DIAPH2: variants seen among roughly 807,000 people sequenced by gnomAD.
DIAPH2 encodes diaphanous related formin 2.
DIAPH2 carries 35 observed loss-of-function variants against 92.7 expected under a neutral mutation model. The ratio of observed to expected loss-of-function variants is 0.38; its 90% CI spans 0.29 to 0.50. The LOEUF is 0.50. Among genes scored for constraint, DIAPH2 ranks in the 20% least tolerant of loss-of-function variants. The pLI is 0.94. For synonymous variants in DIAPH2, 301 were observed against 280.4 expected, an observed-to-expected ratio of 1.07 and a Z score of -0.73; for missense variants, 701 against 819.5, an observed-to-expected ratio of 0.86 and a Z score of 1.77.
intron 15 of DIAPH2, chrX:96,953,862 T>TA (rs2065792501): frequency 8.9e-6 from 1 of 111,961 alleles, no homozygotes; most frequent in Non-Finnish European, 1.9e-5. Flanking sequence ...AGGATGCTTA[T>TA]AATATGCCCA....
chrX:97,543,421 T>G (rs1456014388), intron 26 of DIAPH2, among the ~76,000 whole-genome samples: 4 of 112,180 alleles, frequency 3.6e-5, no homozygotes, highest in Admixed American at 2.8e-4. Flanking sequence ...ATAGTATGTG[T>G]CCATATTTAA....
Position 97,093,870 on chromosome X carries a change from T to G in DIAPH2, c.2248-5824T>G, listed in dbSNP as rs774415163. On this transcript the variant is annotated intron_variant, in intron 19 of 26. Transcript: ENST00000324765. ...GCTAGAACCCCTTGAATAGTTTAAT[T>G]GAATTTAAAATAGGAAATGTTTAGC... 6.3e-5 allele frequency among the ~76,000 whole-genome samples: 7 copies of G among 111,964 alleles called. No homozygotes were observed. The East Asian group carries it at 1.7e-3, about 27-fold the overall frequency.
chrX:96,745,789 G>A, intron 3 of DIAPH2, among the ~76,000 whole-genome samples: 1 of 112,262 alleles, frequency 8.9e-6, no homozygotes, highest in East Asian at 2.8e-4. Context: ...CATCTATTCT[G>A]TGCATTGGTG....
chrX:97,163,593 G>A (rs759437676), intron 22 of DIAPH2, among the ~76,000 whole-genome samples: 13 of 111,734 alleles, frequency 1.2e-4, no homozygotes, highest in Non-Finnish European at 2.4e-4. Flanking sequence ...TATCTTTCAG[G>A]AAGTGACTGA....
At chrX:96,999,228 C>T (rs977848787) in intron 17 of DIAPH2, among the ~76,000 whole-genome samples, 7 of 110,908 alleles carry the variant, frequency 6.3e-5, no homozygotes, top group Non-Finnish European at 1.1e-4. Flanking sequence ...AGTCTAATTT[C>T]GATTGGCTGG....
intron 17 of DIAPH2, among the ~76,000 whole-genome samples, chrX:96,993,202 G>A (rs1232015878): frequency 8.9e-6 from 1 of 111,951 alleles, no homozygotes; most frequent in East Asian, 2.8e-4. Context: ...AAGAAGGCCA[G>A]TAGACCAATA....
intron 22 of DIAPH2, among the ~76,000 whole-genome samples, chrX:97,176,504 T>A (rs1192900809): frequency 1.3e-5 from 1 of 79,579 alleles, no homozygotes; most frequent in African/African-American, 4.9e-5. Flanking sequence ...GGTGTTTTTT[T>A]GTTTGTTTTG....
intron 21 of DIAPH2, among the ~76,000 whole-genome samples, chrX:97,122,570 T>C (rs1412733278): frequency 1.8e-5 from 2 of 111,853 alleles, no homozygotes; most frequent in Non-Finnish European, 3.8e-5. Flanking sequence ...AGAATTTTCA[T>C]TGACTCTTTT....
intron 1 of DIAPH2, among the ~76,000 whole-genome samples, chrX:96,692,926 T>C (rs2063805603): frequency 8.9e-6 from 1 of 112,149 alleles, no homozygotes; most frequent in Non-Finnish European, 1.9e-5. Flanking sequence ...TTTGATATAG[T>C]CTAGGTTGCT....
At chrX:96,867,364 G>A (rs5966886) in intron 4 of DIAPH2, among the ~76,000 whole-genome samples, 5,985 of 110,538 alleles carry the variant, frequency 0.054, 193 homozygotes, top group Middle Eastern at 0.14. Flanking sequence ...GTTTACAGGC[G>A]CGTGCCACCA....
chrX:96,951,323 A>G (rs1251105555), intron 15 of DIAPH2, among the ~76,000 whole-genome samples: 1 of 111,295 alleles, frequency 9.0e-6, no homozygotes, highest in Admixed American at 9.6e-5. Context: ...TTCACCAAAA[A>G]CTCCATTAGC....
intron 22 of DIAPH2, among the ~76,000 whole-genome samples, chrX:97,237,767 G>C (rs761109927): frequency 9.1e-6 from 1 of 110,211 alleles, no homozygotes; most frequent in Non-Finnish European, 1.9e-5. Context: ...ATTTTTAGTA[G>C]AGACGGAGTT....
chrX:97,523,305 C>G (rs1486398745), intron 26 of DIAPH2, among the ~76,000 whole-genome samples: 1 of 111,645 alleles, frequency 9.0e-6, no homozygotes, highest in African/African-American at 3.3e-5. Flanking sequence ...TCCCTAACTC[C>G]TATCTAGAGT....
intron 22 of DIAPH2, among the ~76,000 whole-genome samples, chrX:97,185,421 A>ATGTG (rs1490680224): frequency 2.0e-5 from 1 of 50,432 alleles, no homozygotes; most frequent in Non-Finnish European, 3.2e-5. Context: ...GTATATATAT[A>ATGTG]TGTATATATA....
intron 17 of DIAPH2, among the ~76,000 whole-genome samples, chrX:97,061,294 C>T (rs949758441): frequency 1.8e-5 from 2 of 111,894 alleles, no homozygotes; most frequent in African/African-American, 6.5e-5. Context: ...TACATGGTGT[C>T]CAAAAGCAAT....
intron 26 of DIAPH2, among the ~76,000 whole-genome samples, chrX:97,534,716 G>T (rs1002245673): frequency 1.2e-4 from 13 of 111,277 alleles, no homozygotes; most frequent in Admixed American, 2.9e-4. Flanking sequence ...AGGTGAAATA[G>T]GTTAAATAGC....
At chrX:97,207,013 GT>G (rs1379751467) in intron 22 of DIAPH2, among the ~76,000 whole-genome samples, 3 of 110,963 alleles carry the variant, frequency 2.7e-5, no homozygotes, top group African/African-American at 9.8e-5. Flanking sequence ...GTATCTCGTA[GT>G]GACCTCCTGT....
chrX:96,825,071 G>A (rs1470168254), intron 4 of DIAPH2, among the ~76,000 whole-genome samples: 18 of 106,696 alleles, frequency 1.7e-4, no homozygotes, highest in Admixed American at 9.1e-4. Flanking sequence ...TCAGCCTCCC[G>A]AGTAGCTGGG....
intron 9 of DIAPH2, among the ~76,000 whole-genome samples, chrX:96,928,056 G>T (rs187464721): frequency 9.0e-6 from 1 of 110,773 alleles, no homozygotes; most frequent in African/African-American, 3.3e-5. Context: ...CTTTTGTTGC[G>T]AGAATCTATA....
Sources: allele counts gnomAD v4.1 joint callset (sites outside exome capture counted in the v4.1 genomes callset), GRCh38; gene constraint gnomAD v4.1.1; transcripts MANE v1.5; gene names NCBI Gene and HGNC (gene_info 2026-07-23, HGNC 2026-07-21).